BLTP1: variants seen among roughly 807,000 people sequenced by gnomAD.
The protein encoded by BLTP1 is fragile site-associated protein.
the BLTP1 span, chr4:122,279,639 G>C: frequency 1.1e-6 from 1 of 943,182 alleles, no homozygotes; most frequent in South Asian, 1.8e-5. Flanking sequence ...CACTTTTTTT[G>C]TAATACACAT....
chr4:122,174,706 T>C, the BLTP1 span: 1 of 1,280,140 alleles, frequency 7.8e-7, no homozygotes, highest in Non-Finnish European at 1.1e-6. Flanking sequence ...TTTAAAAATA[T>C]TGTTAAAATG....
the BLTP1 span, among the ~76,000 whole-genome samples, chr4:122,182,140 A>G: frequency 6.6e-6 from 1 of 152,214 alleles, no homozygotes; most frequent in Non-Finnish European, 1.5e-5. Flanking sequence ...GATTATGGAC[A>G]ATTACAGAGA....
the BLTP1 span, chr4:122,331,521 T>C: frequency 8.1e-6 from 13 of 1,610,838 alleles, no homozygotes; most frequent in Non-Finnish European, 1.1e-5. Context: ...TACAAGAACA[T>C]GATGATATAA....
At chr4:122,310,808 T>C in the BLTP1 span, 1 of 258,564 alleles carries the variant, frequency 3.9e-6, no homozygotes, top group Non-Finnish European at 6.0e-6. Flanking sequence ...CCCCATCAAA[T>C]ACTTTGCATT....
the BLTP1 span, chr4:122,261,310 G>T: frequency 1.0e-6 from 1 of 985,036 alleles, no homozygotes; most frequent in Non-Finnish European, 1.2e-6. Context: ...TCATATTTAG[G>T]TGTTTTCCTG....
At chr4:122,175,624 G>C in the BLTP1 span, among the ~76,000 whole-genome samples, 4 of 152,046 alleles carry the variant, frequency 2.6e-5, no homozygotes, top group South Asian at 8.3e-4. Context: ...TATGCATCAA[G>C]AATCTTTAGC....
chr4:122,302,931 C>T, the BLTP1 span, among the ~76,000 whole-genome samples: 2 of 152,126 alleles, frequency 1.3e-5, no homozygotes, highest in Non-Finnish European at 2.9e-5. Flanking sequence ...GAGATTGGTT[C>T]ATAATGTTTA....
chr4:122,204,455 A>G, the BLTP1 span: 1 of 854,864 alleles, frequency 1.2e-6, no homozygotes, highest in African/African-American at 1.8e-5. Flanking sequence ...CCCTGAGTTA[A>G]TAATGAGGAA....
chr4:122,176,024 A>T, the BLTP1 span: 2 of 623,262 alleles, frequency 3.2e-6, no homozygotes, highest in Non-Finnish European at 5.8e-6. Context: ...TTTTTAGGCC[A>T]GTCACGGTGG....
the BLTP1 span, chr4:122,152,416 G>C: frequency 1.1e-5 from 11 of 985,380 alleles, no homozygotes; most frequent in Non-Finnish European, 1.3e-5. Context: ...GTCTGGACCT[G>C]GGCGGCGGCC....
the BLTP1 span, among the ~76,000 whole-genome samples, chr4:122,179,495 AG>A: frequency 3.9e-5 from 6 of 152,072 alleles, no homozygotes; most frequent in African/African-American, 1.4e-4. Flanking sequence ...ATTTTCTTCA[AG>A]GCTTCTGTCC....
the BLTP1 span, among the ~76,000 whole-genome samples, chr4:122,173,609 A>G: frequency 5.3e-5 from 8 of 152,184 alleles, no homozygotes; most frequent in Admixed American, 2.0e-4. Context: ...TGTATATTAT[A>G]AATTTATATT....
At chr4:122,235,443 T>C in the BLTP1 span, 7 of 971,220 alleles carry the variant, frequency 7.2e-6, no homozygotes, top group East Asian at 1.1e-4. Context: ...TTACCAATTA[T>C]ATTTGCAGAA....
chr4:122,245,606 C>T, the BLTP1 span, among the ~76,000 whole-genome samples: 1 of 152,108 alleles, frequency 6.6e-6, no homozygotes, highest in African/African-American at 2.4e-5. Flanking sequence ...GTGGTTCCAG[C>T]CACGAAGCCA....
At chr4:122,174,297 G>A in the BLTP1 span, 1 of 985,120 alleles carries the variant, frequency 1.0e-6, no homozygotes, top group South Asian at 4.7e-5. Flanking sequence ...TAATGGCAGT[G>A]CATAATTAAG....
At chr4:122,292,856 A>G in the BLTP1 span, 10 of 170,172 alleles carry the variant, frequency 5.9e-5, no homozygotes, top group South Asian at 9.8e-4. Flanking sequence ...TCAGTAAATC[A>G]TGGGTATCAG....
the BLTP1 span, chr4:122,254,199 A>T: frequency 6.2e-7 from 1 of 1,612,876 alleles, no homozygotes; most frequent in Non-Finnish European, 8.5e-7. Context: ...ATATAGGATG[A>T]AGGAGTCGAA....
chr4:122,210,534 A>T, the BLTP1 span, among the ~76,000 whole-genome samples: 8 of 152,182 alleles, frequency 5.3e-5, no homozygotes, highest in Non-Finnish European at 1.5e-5. Context: ...ATAGCTATTT[A>T]TATGAAAAAA....
chr4:122,344,966 T>C, the BLTP1 span: 1 of 984,970 alleles, frequency 1.0e-6, no homozygotes, highest in Non-Finnish European at 1.2e-6. Flanking sequence ...ATACTGCTGG[T>C]TTTATAAACA....
Sources: gnomAD v4.1 joint callset for allele counts (sites outside exome capture counted in the v4.1 genomes callset) on GRCh38, gnomAD v4.1.1 for gene constraint, MANE v1.5 for transcripts, NCBI Gene and HGNC (gene_info 2026-07-23, HGNC 2026-07-21) for gene names.